The following AFF3 variants were observed in gnomAD, a reference collection of about 807,000 sequenced individuals.
The protein encoded by AFF3 is ALF transcription elongation factor 3.
Under a neutral mutation model 129.7 loss-of-function variants are expected in AFF3, and 32 were observed. The ratio of observed to expected loss-of-function variants is 0.25; its 90% CI spans 0.19 to 0.33. The LOEUF is 0.33. Ranked by LOEUF, AFF3 falls within the 10% of genes least tolerant of loss-of-function variation. AFF3 has a pLI of 1.00. For synonymous variants in AFF3, 644 were observed against 635.4 expected, an observed-to-expected ratio of 1.01 and a Z score of -0.20; for missense variants, 1,373 against 1,592.0, an observed-to-expected ratio of 0.86 and a Z score of 2.34.
intron 11 of AFF3, among the ~76,000 whole-genome samples, chr2:99,677,054 G>A (rs1203983807): frequency 6.6e-6 from 1 of 152,078 alleles, no homozygotes; most frequent in Non-Finnish European, 1.5e-5. Context: ...GGATCATTGA[G>A]CCCAAGAGTT....
intron 8 of AFF3, among the ~76,000 whole-genome samples, chr2:99,753,091 C>G (rs556279632): frequency 6.6e-6 from 1 of 151,688 alleles, no homozygotes; most frequent in African/African-American, 2.4e-5. Context: ...AGATGTGAAC[C>G]CTATTATTAT....
At chr2:99,592,149 G>T (rs1678745067) in intron 15 of AFF3, among the ~76,000 whole-genome samples, 1 of 152,160 alleles carries the variant, frequency 6.6e-6, no homozygotes, top group African/African-American at 2.4e-5. Context: ...GGATGATTAA[G>T]GTATTCCCCT....
At chr2:99,701,874 G>C (rs55740634) in intron 11 of AFF3, among the ~76,000 whole-genome samples, 1 of 152,062 alleles carries the variant, frequency 6.6e-6, no homozygotes, top group African/African-American at 2.4e-5. Flanking sequence ...CGTCTCTATA[G>C]TTATGCTATT....
intron 8 of AFF3, among the ~76,000 whole-genome samples, chr2:99,827,787 G>A (rs1446743472): frequency 1.3e-5 from 2 of 152,038 alleles, no homozygotes; most frequent in African/African-American, 4.8e-5. Flanking sequence ...AGAGGGCAGA[G>A]AGAGGAGGTG....
At position 99,565,316 on chromosome 2, in the gene AFF3, G is replaced by A. The variant is rs114936949; in HGVS notation, c.3119+171C>T. 2.7e-3 allele frequency among the ~76,000 whole-genome samples: 410 copies of A among 152,220 alleles called. 3 individuals carry two copies. Among genetic ancestry groups the A allele is most frequent in the African/African-American group, 9.5e-3 (395 of 41,538 alleles). On this transcript the variant is annotated intron_variant, in intron 20 of 24. Transcript: ENST00000672756. Reference sequence around the variant, plus strand: ...CCCCCCTTGCTCACGGAGGACAGAGGGGGCAGGGTGTGCCAAGACGCCTTG... The same window carrying A: ...CCCCCCTTGCTCACGGAGGACAGAGAGGGCAGGGTGTGCCAAGACGCCTTG...
At chr2:100,038,539 G>A (rs956562404) in intron 4 of AFF3, among the ~76,000 whole-genome samples, 1 of 151,974 alleles carries the variant, frequency 6.6e-6, no homozygotes, top group Admixed American at 6.5e-5. Context: ...GGAGAGGGTG[G>A]GTAAAAGACA....
chr2:99,975,174 T>C (rs1038143344), intron 7 of AFF3, among the ~76,000 whole-genome samples: 2 of 152,204 alleles, frequency 1.3e-5, no homozygotes, highest in African/African-American at 4.8e-5. Context: ...CTGGGTCTTT[T>C]CTCTTGACAG....
chr2:100,014,114 T>A (rs1296732997), intron 4 of AFF3, among the ~76,000 whole-genome samples: 9 of 151,494 alleles, frequency 5.9e-5, no homozygotes, highest in Non-Finnish European at 1.0e-4. Flanking sequence ...TCTGATGAAA[T>A]GCAGTTTGCT....
chr2:100,037,745 AAT>A (rs983059614), intron 4 of AFF3, among the ~76,000 whole-genome samples: 12 of 130,848 alleles, frequency 9.2e-5, no homozygotes, highest in African/African-American at 2.8e-4. Context: ...ATTTGTGTAT[AAT>A]ATATATTATT....
chr2:99,684,479 T>A (rs1385711525), intron 11 of AFF3, among the ~76,000 whole-genome samples: 1 of 152,156 alleles, frequency 6.6e-6, no homozygotes, highest in Non-Finnish European at 1.5e-5. Flanking sequence ...GCCACAAACA[T>A]CATAAGCAGA....
intron 15 of AFF3, among the ~76,000 whole-genome samples, chr2:99,587,616 C>T (rs1275149613): frequency 6.6e-6 from 1 of 152,236 alleles, no homozygotes; most frequent in Admixed American, 6.5e-5. Context: ...CAGCGGCACT[C>T]ACCTTGGCAT....
intron 11 of AFF3, among the ~76,000 whole-genome samples, chr2:99,718,496 A>G (rs1678579135): frequency 6.6e-6 from 1 of 152,110 alleles, no homozygotes. Context: ...TTGGTTATTG[A>G]CCTTTATAAG....
At chr2:99,956,844 G>A (rs1261711707) in intron 7 of AFF3, among the ~76,000 whole-genome samples, 3 of 152,290 alleles carry the variant, frequency 2.0e-5, no homozygotes, top group African/African-American at 7.2e-5. Context: ...ATACTATATG[G>A]AAATTCACCA....
Position 99,789,528 on chromosome 2 carries a change from TG to T in AFF3, c.922-37228del, listed in dbSNP as rs764715743. ...TCTTTTCCAGACACCCTAGAAATCA[TG>T]AAAATGGAACCAGAATGACAGTATG... On this transcript the variant is annotated intron_variant, in intron 8 of 24. Coordinates refer to ENST00000672756, the MANE Select transcript of AFF3 (RefSeq NM_001386135.1). 1.8e-4 allele frequency among the ~76,000 whole-genome samples: 26 copies of T among 148,174 alleles called. 1 individual carries two copies. The highest frequency in any genetic ancestry group is 1.7e-3 in the South Asian group (8 of 4,636).
At chr2:99,828,333 C>T (rs1688257431) in intron 8 of AFF3, among the ~76,000 whole-genome samples, 1 of 152,170 alleles carries the variant, frequency 6.6e-6, no homozygotes, top group Admixed American at 6.6e-5. Flanking sequence ...AGTTTGGTTA[C>T]TGTGATCCTG....
chr2:100,005,553 T>C, intron 7 of AFF3, among the ~76,000 whole-genome samples: 1 of 152,350 alleles, frequency 6.6e-6, no homozygotes, highest in Admixed American at 6.5e-5. Flanking sequence ...CGTAAATGCC[T>C]ATAGAAATTA....
intron 13 of AFF3, among the ~76,000 whole-genome samples, chr2:99,648,917 A>ACACACACTCTCTCTCTCTCTCTCT: frequency 1.5e-4 from 7 of 46,872 alleles, no homozygotes; most frequent in African/African-American, 3.9e-4. Context: ...ACACACACAC[A>ACACACACTCTCTCTCTCTCTCTCT]CTCTCTCTCT....
chr2:99,749,864 G>A (rs7559975), intron 9 of AFF3, among the ~76,000 whole-genome samples: 111,140 of 152,204 alleles, frequency 0.73, 41,689 homozygotes, highest in East Asian at 0.92. Context: ...TAGACAGTCC[G>A]GAGACAAATC....
intron 11 of AFF3, among the ~76,000 whole-genome samples, chr2:99,726,558 T>C (rs1450879312): frequency 6.6e-6 from 1 of 152,190 alleles, no homozygotes; most frequent in African/African-American, 2.4e-5. Flanking sequence ...AGACAAAACA[T>C]AGAGTGAGGA....
Sources: gnomAD v4.1 joint callset for allele counts (sites outside exome capture counted in the v4.1 genomes callset) on GRCh38, gnomAD v4.1.1 for gene constraint, MANE v1.5 for transcripts, NCBI Gene and HGNC (gene_info 2026-07-23, HGNC 2026-07-21) for gene names.